Variants in ENTPD3 observed in about 807,000 individuals in gnomAD.
The protein encoded by ENTPD3 is CD39 antigen-like 3.
ENTPD3 carries 60 observed loss-of-function variants against 51.2 expected under a neutral mutation model. That is an observed-to-expected ratio of 1.17 (90% confidence interval 0.95 to 1.45). The LOEUF (loss-of-function observed/expected upper bound fraction) is 1.45, where lower values mean the gene tolerates loss of function less well. Ranked by LOEUF, ENTPD3 falls within the 40% of genes most tolerant of loss-of-function variation. The pLI is 0.00. For synonymous variants in ENTPD3, 221 were observed against 238.4 expected, an observed-to-expected ratio of 0.93 and a Z score of 0.67; for missense variants, 593 against 641.1, an observed-to-expected ratio of 0.93 and a Z score of 0.81.
chr3:40,416,240 GTC>G (rs937823071), intron 7 of ENTPD3, among the ~76,000 whole-genome samples, 167 bp downstream of exon 7: 2 of 152,076 alleles, frequency 1.3e-5, no homozygotes, highest in Non-Finnish European at 2.9e-5. Flanking sequence ...TTTCCTCTCT[GTC>G]TCTTTCTTCC....
At chr3:40,424,956 C>A (rs1431821651) in intron 10 of ENTPD3, 3 of 476,466 alleles carry the variant, frequency 6.3e-6, no homozygotes, top group Non-Finnish European at 1.1e-5. Flanking sequence ...GTAGCATGTA[C>A]TCTCTAAGCT....
intron 7 of ENTPD3, among the ~76,000 whole-genome samples, chr3:40,419,236 G>A (rs1168322367): frequency 6.6e-6 from 1 of 152,106 alleles, no homozygotes; most frequent in East Asian, 1.9e-4. Flanking sequence ...TGTAGGACAG[G>A]TTCAAAGGAC....
chr3:40,404,250 GT>G (rs1955440902), intron 4 of ENTPD3, among the ~76,000 whole-genome samples: 1 of 152,166 alleles, frequency 6.6e-6, no homozygotes, highest in African/African-American at 2.4e-5. Flanking sequence ...CATAATAATA[GT>G]TATACCTACC....
chr3:40,390,130 T>A (rs1471325872), intron 2 of ENTPD3, among the ~76,000 whole-genome samples: 1 of 152,228 alleles, frequency 6.6e-6, no homozygotes, highest in African/African-American at 2.4e-5. Flanking sequence ...TCTAGTGATC[T>A]TTCTATTAGT....
chr3:40,423,158 A>G (rs1955915220), intron 8 of ENTPD3, 36 bp downstream of exon 8: 1 of 1,591,968 alleles, frequency 6.3e-7, no homozygotes, highest in Non-Finnish European at 8.6e-7. Flanking sequence ...TCCTTTCCCC[A>G]TTGAATATTC....
At chr3:40,416,972 A>C (rs1015339955) in intron 7 of ENTPD3, among the ~76,000 whole-genome samples, 1 of 152,174 alleles carries the variant, frequency 6.6e-6, no homozygotes, top group African/African-American at 2.4e-5. Context: ...GAGGAGTTGA[A>C]GGGATCACAA....
At chr3:40,388,587 C>CACACAG (rs1309917815) in intron 2 of ENTPD3, among the ~76,000 whole-genome samples, 1 of 90,908 alleles carries the variant, frequency 1.1e-5, no homozygotes, top group African/African-American at 8.6e-5. Context: ...CACACACAGA[C>CACACAG]ACACACACAC....
In ENTPD3 at chr3:40,407,809, G is replaced by A. The variant is rs551630288; in HGVS notation, c.287-4003G>A. ...CAAATCCAAGGTAGTTGAAGAAAGAGGAAGTGCGCAATTAGGTGAAAAGTG... is the reference window on the plus strand; with the variant it reads ...CAAATCCAAGGTAGTTGAAGAAAGAAGAAGTGCGCAATTAGGTGAAAAGTG... On this transcript the variant is annotated intron_variant, in intron 4 of 10. Coordinates refer to ENST00000301825, the MANE Select transcript of ENTPD3 (RefSeq NM_001248.4). Among the ~76,000 whole-genome samples, 4 of 152,248 alleles carry A rather than the reference G, an allele frequency of 2.6e-5. No individual in the cohort carries two copies. The East Asian group carries it at 5.8e-4, about 22-fold the overall frequency.
Position 40,412,029 on chromosome 3 carries a change from A to G in ENTPD3, c.437+67A>G, listed in dbSNP as rs902401719. 14 of 1,437,064 alleles carry G rather than the reference A, an allele frequency of 9.7e-6. 2 individuals carry two copies. The Middle Eastern group carries it at 1.0e-3, about 102-fold the overall frequency. 89.0% of individuals were successfully genotyped at this position (1,437,064 alleles called of 1,614,324 possible). A position where few individuals can be genotyped will look rare whatever the true frequency, so the allele number is the denominator to read the frequency against. ...AACCAAGAATATGTTGAATCTTGCC[A>G]AGAATGTAACTCTATTTCTGGGAAC... On this transcript the variant is annotated intron_variant, in intron 5 of 10. Transcript: ENST00000301825.
chr3:40,398,200 G>A (rs1177091494), intron 3 of ENTPD3, among the ~76,000 whole-genome samples: 2 of 152,174 alleles, frequency 1.3e-5, no homozygotes, highest in African/African-American at 4.8e-5. Context: ...ATCCCAGTTG[G>A]AGTTACAAAT....
intron 4 of ENTPD3, among the ~76,000 whole-genome samples, chr3:40,406,942 G>A (rs965479680): frequency 7.9e-5 from 12 of 152,174 alleles, no homozygotes; most frequent in Admixed American, 7.2e-4. Flanking sequence ...TTCTGGGGAA[G>A]GGGGTGAGAA....
At chr3:40,412,480 G>C (rs1286198307) in intron 5 of ENTPD3, among the ~76,000 whole-genome samples, 3 of 152,170 alleles carry the variant, frequency 2.0e-5, no homozygotes, top group Non-Finnish European at 4.4e-5. Context: ...TTCTAAATTT[G>C]TAGTCATGGC....
chr3:40,413,422 C>G (rs1955678162), intron 5 of ENTPD3, among the ~76,000 whole-genome samples: 1 of 152,172 alleles, frequency 6.6e-6, no homozygotes, highest in South Asian at 2.1e-4. Context: ...CATTAAATGT[C>G]TGTAAAAGTT....
At position 40,417,290 on chromosome 3, in the gene ENTPD3, G is replaced by T. The variant is rs548566997; in HGVS notation, c.831+1217G>T. Among the ~76,000 whole-genome samples the T allele has an allele frequency of 2.0e-5, 3 of 152,290 alleles. No homozygotes were observed. In the South Asian group the frequency reaches 6.2e-4, roughly 32 times the overall value. The stretch of plus-strand genomic sequence containing the variant: ...ACTGGGTAATTTATAAAGAAAAGAG[G>T]TTTGTTTAATTGGTTCATGGTTCTG... On this transcript the variant is annotated intron_variant, in intron 7 of 10. Transcript: ENST00000301825.
intron 4 of ENTPD3, among the ~76,000 whole-genome samples, chr3:40,409,742 T>C (rs1381980523): frequency 6.6e-6 from 1 of 152,230 alleles, no homozygotes; most frequent in Admixed American, 6.5e-5. Flanking sequence ...AGTAGACTTA[T>C]TTAAACTCAG....
chr3:40,387,187 G>C lies in ENTPD3; in HGVS notation c.-87G>C, dbSNP rs916509040. The C allele has an allele frequency of 2.0e-5, 3 of 152,484 alleles. No individual in the cohort carries two copies. Among genetic ancestry groups the C allele is most frequent in the Admixed American group, 6.5e-5 (1 of 15,280 alleles). 9.4% of individuals were successfully genotyped at this position (152,484 alleles called of 1,614,324 possible). ...GGCGCCGCCTCCCGGCGTCTGAGCTGACACCTCCTTAGCGCTGGCCGCGGG... is the reference window on the plus strand; with the variant it reads ...GGCGCCGCCTCCCGGCGTCTGAGCTCACACCTCCTTAGCGCTGGCCGCGGG... On this transcript the variant is annotated 5_prime_UTR_variant, in exon 1 of 11. Transcript: ENST00000301825.
At chr3:40,410,586 C>T (rs1024463526) in intron 4 of ENTPD3, among the ~76,000 whole-genome samples, 1 of 152,040 alleles carries the variant, frequency 6.6e-6, no homozygotes, top group South Asian at 2.1e-4. Flanking sequence ...CACACTAATC[C>T]CTATATATTT....
At chr3:40,420,606 T>C (rs1446573437) in intron 7 of ENTPD3, among the ~76,000 whole-genome samples, 1 of 152,094 alleles carries the variant, frequency 6.6e-6, no homozygotes, top group Admixed American at 6.5e-5. Context: ...AGATTATATG[T>C]AACAATTTTT....
intron 7 of ENTPD3, among the ~76,000 whole-genome samples, chr3:40,418,731 C>A (rs1955799733): frequency 6.6e-6 from 1 of 152,014 alleles, no homozygotes; most frequent in Non-Finnish European, 1.5e-5. Context: ...GCATTTTCTT[C>A]CATTTTTTAA....
Sources: allele counts gnomAD v4.1 joint callset (sites outside exome capture counted in the v4.1 genomes callset), GRCh38; gene constraint gnomAD v4.1.1; transcripts MANE v1.5; gene names NCBI Gene and HGNC (gene_info 2026-07-23, HGNC 2026-07-21).